FARS2: variants seen among roughly 807,000 people sequenced by gnomAD.
FARS2 encodes the protein phenylalanine--tRNA ligase, mitochondrial.
In FARS2, 40 loss-of-function variants were observed where a neutral mutation model predicts 46.4. That is an observed-to-expected ratio of 0.86 (90% confidence interval 0.67 to 1.12). The LOEUF is 1.12. Ranked by LOEUF, FARS2 falls within the 50% of genes most tolerant of loss-of-function variation. FARS2 has a pLI of 0.00. For synonymous variants in FARS2, 234 were observed against 214.9 expected (o/e 1.09, Z -0.78); for missense variants, 513 against 567.9 (o/e 0.90, Z 0.98).
At position 5,262,906 on chromosome 6, in the gene FARS2, A is replaced by G. The variant is rs73363087; in HGVS notation, c.-22+1246A>G. 8.5e-3 allele frequency among the ~76,000 whole-genome samples: 1,291 copies of G among 152,234 alleles called. 5 individuals are homozygous for G. Among genetic ancestry groups the G allele is most frequent in the Middle Eastern group, 0.041 (12 of 294 alleles). Reference sequence around the variant, plus strand: ...GACTTTTTTGAGTTTTCCCTTTGCTATTTCTTAAAGGATCCAAGACCAAGG... The same window carrying G: ...GACTTTTTTGAGTTTTCCCTTTGCTGTTTCTTAAAGGATCCAAGACCAAGG... On this transcript the variant is annotated intron_variant, in intron 1 of 6. Coordinates refer to ENST00000274680, the MANE Select transcript of FARS2 (RefSeq NM_006567.5).
chr6:5,473,452 G>T (rs148747292), intron 4 of FARS2, among the ~76,000 whole-genome samples: 3 of 151,516 alleles, frequency 2.0e-5, no homozygotes, highest in African/African-American at 4.8e-5. Flanking sequence ...GTGTGAACCC[G>T]GGAGATGGAG....
chr6:5,393,509 T>A (rs1760709372), intron 2 of FARS2, among the ~76,000 whole-genome samples: 1 of 151,848 alleles, frequency 6.6e-6, no homozygotes, highest in Admixed American at 6.6e-5. Context: ...ACAAAAAAAA[T>A]TAGCTGGGCA....
At chr6:5,401,065 T>C (rs1307460276) in intron 2 of FARS2, among the ~76,000 whole-genome samples, 5 of 152,080 alleles carry the variant, frequency 3.3e-5, no homozygotes, top group African/African-American at 1.2e-4. Flanking sequence ...AGGTGTATCT[T>C]TTGTATAGTT....
intron 6 of FARS2, among the ~76,000 whole-genome samples, chr6:5,625,549 C>T (rs1430259899): frequency 6.6e-6 from 1 of 152,074 alleles, no homozygotes; most frequent in African/African-American, 2.4e-5. Context: ...GCCAGGGGTC[C>T]TAATGGCACC....
chr6:5,717,935 T>TATATATATATAGAGAG (rs546191530), intron 6 of FARS2, among the ~76,000 whole-genome samples: 2 of 135,628 alleles, frequency 1.5e-5, no homozygotes, highest in African/African-American at 6.1e-5. Flanking sequence ...TATATATATA[T>TATATATATATAGAGAG]ACAGAGTCTC....
chr6:5,614,960 C>T (rs1426414098), intron 6 of FARS2, among the ~76,000 whole-genome samples: 10 of 152,150 alleles, frequency 6.6e-5, no homozygotes, highest in East Asian at 3.8e-4. Flanking sequence ...AAGTGCTGCT[C>T]GATTGTCCTC....
intron 1 of FARS2, among the ~76,000 whole-genome samples, chr6:5,320,481 G>T (rs1172414173): frequency 1.3e-5 from 2 of 152,214 alleles, no homozygotes; most frequent in African/African-American, 4.8e-5. Flanking sequence ...TGGCTGAAAA[G>T]CACCTGCTTC....
At chr6:5,613,832 G>A (rs1775317576) in intron 6 of FARS2, among the ~76,000 whole-genome samples, 1 of 152,178 alleles carries the variant, frequency 6.6e-6, no homozygotes, top group African/African-American at 2.4e-5. Context: ...ATGAAAGCAT[G>A]CTATTATGAG....
intron 6 of FARS2, among the ~76,000 whole-genome samples, chr6:5,640,208 A>T (rs1386047058): frequency 6.6e-6 from 1 of 152,014 alleles, no homozygotes; most frequent in Non-Finnish European, 1.5e-5. Context: ...ACACGTGTAC[A>T]CACGTACTTG....
At chr6:5,261,035 A>T (rs937567189), upstream of FARS2, 1 of 894,566 alleles carries the variant, frequency 1.1e-6, no homozygotes, top group African/African-American at 1.8e-5. Flanking sequence ...GGGACCCAGC[A>T]GCCGCTCCAC....
chr6:5,509,798 C>T (rs1156476634), intron 4 of FARS2, among the ~76,000 whole-genome samples: 8 of 152,142 alleles, frequency 5.3e-5, no homozygotes, highest in African/African-American at 1.7e-4. Context: ...AAACAGGTTA[C>T]TGGGAAGAGC....
intron 6 of FARS2, among the ~76,000 whole-genome samples, chr6:5,724,925 G>A (rs1316789955): frequency 6.6e-6 from 1 of 152,252 alleles, no homozygotes; most frequent in African/African-American, 2.4e-5. Flanking sequence ...ACAAGACACA[G>A]ACATAGACCT....
At chr6:5,740,596 AG>A (rs1761269294) in intron 6 of FARS2, among the ~76,000 whole-genome samples, 1 of 152,066 alleles carries the variant, frequency 6.6e-6, no homozygotes, top group Non-Finnish European at 1.5e-5. Flanking sequence ...GAGCCACAAA[AG>A]CCCCCGTTTC....
At chr6:5,459,885 G>A (rs554456103) in intron 4 of FARS2, among the ~76,000 whole-genome samples, 5 of 152,140 alleles carry the variant, frequency 3.3e-5, no homozygotes, top group Non-Finnish European at 5.9e-5. Flanking sequence ...TAACATGTTC[G>A]TATTGCTGCT....
chr6:5,598,608 C>T (rs1443612088), intron 5 of FARS2, among the ~76,000 whole-genome samples: 3 of 152,140 alleles, frequency 2.0e-5, no homozygotes, highest in African/African-American at 2.4e-5. Flanking sequence ...ACAATGCTTC[C>T]AACACAGGCA....
chr6:5,494,843 T>C (rs572038488), intron 4 of FARS2, among the ~76,000 whole-genome samples: 1 of 152,352 alleles, frequency 6.6e-6, no homozygotes, highest in African/African-American at 2.4e-5. Context: ...GGTGTCCTAA[T>C]GGTCTAAAAT....
At chr6:5,578,502 A>G (rs1773117910) in intron 5 of FARS2, among the ~76,000 whole-genome samples, 2 of 152,114 alleles carry the variant, frequency 1.3e-5, no homozygotes, top group Non-Finnish European at 2.9e-5. Flanking sequence ...TCAAATAAAA[A>G]GATAATAAGA....
At chr6:5,498,065 A>G (rs1481265212) in intron 4 of FARS2, among the ~76,000 whole-genome samples, 1 of 152,154 alleles carries the variant, frequency 6.6e-6, no homozygotes, top group African/African-American at 2.4e-5. Flanking sequence ...TGGGGAATGG[A>G]AGGGACTCTC....
chr6:5,367,925 A>G (rs1184360539), intron 1 of FARS2, among the ~76,000 whole-genome samples: 5 of 152,202 alleles, frequency 3.3e-5, no homozygotes, highest in Non-Finnish European at 7.3e-5. Context: ...GTTAACCACA[A>G]TCTAAAGTGG....
Sources: allele counts gnomAD v4.1 joint callset (sites outside exome capture counted in the v4.1 genomes callset), GRCh38; gene constraint gnomAD v4.1.1; transcripts MANE v1.5; gene names NCBI Gene and HGNC (gene_info 2026-07-23, HGNC 2026-07-21).